Variants in CTDP1 observed in about 807,000 individuals in gnomAD.
The protein encoded by CTDP1 is CTD phosphatase 1.
In CTDP1, 47 loss-of-function variants were observed where a neutral mutation model predicts 91.8. That is an observed-to-expected ratio of 0.51 (90% CI 0.41 to 0.65). The LOEUF (loss-of-function observed/expected upper bound fraction) is 0.65, where lower values mean the gene tolerates loss of function less well. Ranked by LOEUF, CTDP1 falls within the 30% of genes least tolerant of loss-of-function variation. The pLI is 0.00. For synonymous variants in CTDP1, 656 were observed against 598.5 expected (o/e 1.10, Z -1.40); for missense variants, 1,272 against 1,373.7 (o/e 0.93, Z 1.17).
intron 12 of CTDP1, among the ~76,000 whole-genome samples, chr18:79,744,218 A>C (rs2086835660): frequency 6.6e-6 from 1 of 152,228 alleles, no homozygotes; most frequent in South Asian, 2.1e-4. Context: ...ATGTCTCCCT[A>C]AAATGTGTAA....
intron 12 of CTDP1, among the ~76,000 whole-genome samples, chr18:79,743,131 T>C (rs973392245): frequency 1.3e-5 from 2 of 152,210 alleles, no homozygotes; most frequent in Non-Finnish European, 2.9e-5. Context: ...ACAAGAAGGT[T>C]GGTCTCACCG....
intron 11 of CTDP1, 101 bp downstream of exon 11, chr18:79,729,170 A>T: frequency 6.9e-7 from 1 of 1,441,990 alleles, no homozygotes; most frequent in Non-Finnish European, 9.7e-7. Flanking sequence ...CTGGAGGCCG[A>T]GCTAGAGTCC....
chr18:79,744,147 C>T lies in CTDP1; in HGVS notation c.2747+7626C>T, dbSNP rs57127554. On this transcript the variant is annotated intron_variant, in intron 12 of 12. Coordinates refer to ENST00000613122, the MANE Select transcript of CTDP1 (RefSeq NM_004715.5). ...TGACCTGGAAGTCCCTCCCTGGTTC[C>T]AGCTGTCCCACCTTTCCAGAGTGAA... Among the ~76,000 whole-genome samples the T allele has an allele frequency of 4.1e-3, 628 of 152,292 alleles. 5 individuals carry two copies. The highest frequency in any genetic ancestry group is 0.014 in the African/African-American group (574 of 41,556).
intron 12 of CTDP1, among the ~76,000 whole-genome samples, chr18:79,750,160 A>G (rs960027741): frequency 2.0e-5 from 3 of 151,906 alleles, no homozygotes; most frequent in Admixed American, 6.5e-5. Context: ...GAGGGGAAGC[A>G]GGTGCACAGA....
intron 4 of CTDP1, among the ~76,000 whole-genome samples, chr18:79,701,307 A>ACGAGCCAGG (rs1405117117): frequency 6.6e-6 from 1 of 152,060 alleles, no homozygotes; most frequent in Non-Finnish European, 1.5e-5. Context: ...TCAGGAGATC[A>ACGAGCCAGG]AGACCATCCT....
intron 1 of CTDP1, among the ~76,000 whole-genome samples, chr18:79,686,679 G>A (rs2085500693): frequency 6.6e-6 from 1 of 152,390 alleles, no homozygotes; most frequent in Non-Finnish European, 1.5e-5. Flanking sequence ...AAGAATGCTG[G>A]TGTCGTACGA....
upstream of CTDP1, chr18:79,679,338 G>A (rs1336251691): frequency 4.5e-6 from 2 of 445,236 alleles, no homozygotes; most frequent in African/African-American, 2.0e-5. Context: ...CACGTCTCTG[G>A]GCCCGCGGCG....
downstream of CTDP1, chr18:79,754,922 G>A (rs753157104): frequency 2.0e-5 from 3 of 152,236 alleles, no homozygotes; most frequent in Non-Finnish European, 4.4e-5. Flanking sequence ...CGAGGCCACG[G>A]CCCTTCTCCA....
chr18:79,682,802 G>A (rs1052840951), intron 1 of CTDP1, among the ~76,000 whole-genome samples: 3 of 152,156 alleles, frequency 2.0e-5, no homozygotes, highest in South Asian at 4.1e-4. Flanking sequence ...AAATATGGAA[G>A]TCTTTCCATA....
At chr18:79,710,990 A>G (rs893561599) in intron 6 of CTDP1, among the ~76,000 whole-genome samples, 2 of 152,074 alleles carry the variant, frequency 1.3e-5, no homozygotes, top group African/African-American at 4.8e-5. Flanking sequence ...GTGCTTGTGC[A>G]GGGCCCCCAA....
chr18:79,702,591 C>G (rs1305959476), intron 4 of CTDP1: 3 of 152,210 alleles, frequency 2.0e-5, no homozygotes, highest in African/African-American at 7.2e-5. Context: ...CCAGGCTGGT[C>G]TCGAACTCCT....
intron 8 of CTDP1, among the ~76,000 whole-genome samples, chr18:79,716,951 G>A (rs2086222061): frequency 6.6e-6 from 1 of 152,264 alleles, no homozygotes; most frequent in Admixed American, 6.5e-5. Context: ...CCTGCAGTGG[G>A]CAGCCCTGGT....
At chr18:79,707,779 G>A (rs535726693) in intron 5 of CTDP1, among the ~76,000 whole-genome samples, 5 of 152,200 alleles carry the variant, frequency 3.3e-5, no homozygotes, top group Non-Finnish European at 1.5e-5. Context: ...ACCTGGGTCA[G>A]CTTTTCTACA....
chr18:79,717,540 G>C lies in CTDP1; in HGVS notation c.2074G>C (p.Glu692Gln). Residue 692 changes from glutamate (E) to glutamine (Q), a missense_variant, in exon 9 of 13, where the codon GAG becomes CAG. This residue lies in a region of CTDP1 where 881 missense variants were observed against 911.6 expected (regional missense o/e 0.97). Transcript: ENST00000613122. ...THLIAARAGT[E>Q]KVLQAQECGH... The stretch of plus-strand genomic sequence containing the variant: ...CGCAGCCGGGTCTCCTGCAGGCACA[G>C]AGAAGGTGCTGCAGGCACAGGAGTG... The C allele has an allele frequency of 1.2e-6, 2 of 1,613,184 alleles. No individual in the cohort carries two copies. Among genetic ancestry groups the C allele is most frequent in the Non-Finnish European group, 1.7e-6 (2 of 1,179,878 alleles).
At chr18:79,732,618 C>T (rs2086588664) in intron 11 of CTDP1, among the ~76,000 whole-genome samples, 1 of 148,360 alleles carries the variant, frequency 6.7e-6, no homozygotes, top group Non-Finnish European at 1.5e-5. Context: ...TGAGAACTAA[C>T]ATCAGGAGTG....
At chr18:79,736,550 C>G in intron 12 of CTDP1, 29 bp downstream of exon 12, 1 of 1,512,602 alleles carries the variant, frequency 6.6e-7, no homozygotes. Context: ...GTGGGAGGGG[C>G]CTGACACGGG....
chr18:79,731,171 C>T (rs2086558397), intron 11 of CTDP1, among the ~76,000 whole-genome samples: 1 of 152,190 alleles, frequency 6.6e-6, no homozygotes, highest in African/African-American at 2.4e-5. Flanking sequence ...GGGGCTGCTG[C>T]TCGTTTTGGG....
intron 11 of CTDP1, among the ~76,000 whole-genome samples, chr18:79,735,120 C>G (rs1485337921): frequency 6.6e-6 from 1 of 152,062 alleles, no homozygotes; most frequent in African/African-American, 2.4e-5. Flanking sequence ...GAAGCGGCTT[C>G]ACACCGAGTC....
At chr18:79,740,203 G>T (rs931358554) in intron 12 of CTDP1, among the ~76,000 whole-genome samples, 3 of 151,798 alleles carry the variant, frequency 2.0e-5, no homozygotes, top group Non-Finnish European at 4.4e-5. Flanking sequence ...GCCGGGACGG[G>T]TGGGACTCGG....
Sources: allele counts gnomAD v4.1 joint callset (sites outside exome capture counted in the v4.1 genomes callset), GRCh38; gene constraint gnomAD v4.1.1; regional missense constraint gnomAD v4.1.1; transcripts MANE v1.5; gene names NCBI Gene and HGNC (gene_info 2026-07-23, HGNC 2026-07-21).